The following SYTL2 variants were observed in gnomAD, a reference collection of about 807,000 sequenced individuals.
The protein encoded by SYTL2 is synaptotagmin like 2.
SYTL2 carries 165 observed loss-of-function variants against 198.7 expected under a neutral mutation model. That is an observed-to-expected ratio of 0.83 (90% CI 0.73 to 0.94). The LOEUF is 0.94. SYTL2 is among the 40% of genes least tolerant of loss of function. SYTL2 has a pLI of 0.00. For synonymous variants in SYTL2, 966 were observed against 917.7 expected (o/e 1.05, Z -0.95); for missense variants, 2,835 against 2,582.8 (o/e 1.10, Z -2.12).
Position 85,720,944 on chromosome 11 carries a change from G to C in SYTL2, c.5342C>G (p.Pro1781Arg). 6.2e-7 allele frequency: 1 copy of C among 1,612,312 alleles called. No individual in the cohort carries two copies. The highest frequency in any genetic ancestry group is 1.6e-4 in the Middle Eastern group (1 of 6,062). The change falls in exon 9 of 20, where the codon CCC becomes CGC. Residue 1781 changes from proline to arginine, a missense_variant. This residue lies in a region of SYTL2 where 2,645 missense variants were observed against 2,381.7 expected (regional missense o/e 1.11). Transcript: ENST00000359152. Reference sequence around the variant, plus strand: ...TTCCAAAGTTTTCAAAACAGGACTGGGTTCTTCTTCTGAACCTGTTATAAA... The same window carrying C: ...TTCCAAAGTTTTCAAAACAGGACTGCGTTCTTCTTCTGAACCTGTTATAAA... ...WRNPSSSEEE[P>R]SPVLKTLERS...
the SYTL2 span, among the ~76,000 whole-genome samples, chr11:85,839,217 T>C: frequency 6.6e-6 from 1 of 152,336 alleles, no homozygotes; most frequent in African/African-American, 2.4e-5. Context: ...TTTTCAAATG[T>C]ACAATTAAGT....
chr11:85,852,061 T>A, the SYTL2 span, among the ~76,000 whole-genome samples: 1 of 152,230 alleles, frequency 6.6e-6, no homozygotes, highest in Non-Finnish European at 1.5e-5. Flanking sequence ...TTGTATATTT[T>A]ACTGATGAGA....
chr11:85,698,194 A>G (rs1425980278), intron 17 of SYTL2, 116 bp from the exon 18 acceptor site: 8 of 682,570 alleles, frequency 1.2e-5, no homozygotes, highest in Middle Eastern at 2.4e-4. Context: ...GTATTTGATG[A>G]TATCATCTGA....
rs2092532525 is a variant in SYTL2 at position 85,780,105 on chromosome 11, G to C, written c.-389-21991C>G. 4.6e-5 allele frequency among the ~76,000 whole-genome samples: 7 copies of C among 152,334 alleles called. No individual in the cohort carries two copies. The South Asian group carries it at 1.4e-3, about 32-fold the overall frequency. On this transcript the variant is annotated intron_variant, in intron 1 of 19. Coordinates refer to ENST00000359152, the MANE Select transcript of SYTL2 (RefSeq NM_206927.4). ...GACAATTCAGGCCACAGCAGAATTT[G>C]TCTACAATGAACTATGGCCCTATAC...
In SYTL2 at chr11:85,745,621, A is replaced by G; in HGVS notation, c.389+16T>C. The G allele has an allele frequency of 6.2e-7, 1 of 1,609,258 alleles. No individual in the cohort carries two copies. The highest frequency in any genetic ancestry group is 1.1e-5 in the South Asian group (1 of 90,742). ...AAAGCCACATGCAGCAGCTCTCCCCAGAAGCTTTGCCTTACCTCGGGCTTG... is the reference window on the plus strand; with the variant it reads ...AAAGCCACATGCAGCAGCTCTCCCCGGAAGCTTTGCCTTACCTCGGGCTTG... On this transcript the variant is annotated intron_variant, in intron 4 of 19. Transcript: ENST00000359152.
At chr11:85,777,812 C>T (rs1291975739) in intron 1 of SYTL2, among the ~76,000 whole-genome samples, 51 of 63,330 alleles carry the variant, frequency 8.1e-4, no homozygotes, top group South Asian at 2.3e-3. Context: ...GGTCTTACTT[C>T]TTTTTTTTTT....
intron 1 of SYTL2, among the ~76,000 whole-genome samples, chr11:85,789,374 A>G (rs955708944): frequency 0.011 from 487 of 44,068 alleles, 3 homozygotes; most frequent in South Asian, 0.021. Flanking sequence ...ATATATATAT[A>G]TATGTATATA....
At chr11:85,761,179 T>C (rs1217697637) in intron 1 of SYTL2, among the ~76,000 whole-genome samples, 2 of 152,182 alleles carry the variant, frequency 1.3e-5, no homozygotes, top group Non-Finnish European at 2.9e-5. Flanking sequence ...AAATAAGTTT[T>C]TGAATACCAA....
At chr11:85,822,362 A>G in the SYTL2 span, among the ~76,000 whole-genome samples, 2 of 152,172 alleles carry the variant, frequency 1.3e-5, no homozygotes, top group Non-Finnish European at 2.9e-5. Flanking sequence ...TCAAGCATCT[A>G]TAAGACTGGA....
the SYTL2 span, among the ~76,000 whole-genome samples, chr11:85,850,450 GA>G: frequency 6.6e-6 from 1 of 151,794 alleles, no homozygotes; most frequent in Non-Finnish European, 1.5e-5. Flanking sequence ...GGCCATCAGA[GA>G]AATGCAAATC....
At chr11:85,777,275 C>T (rs1401882706) in intron 1 of SYTL2, among the ~76,000 whole-genome samples, 2 of 152,154 alleles carry the variant, frequency 1.3e-5, no homozygotes, top group Non-Finnish European at 2.9e-5. Flanking sequence ...AGAGGGCTAA[C>T]ATGGGGTTAA....
chr11:85,697,950 G>T, intron 18 of SYTL2, 29 bp downstream of exon 18: 1 of 1,455,218 alleles, frequency 6.9e-7, no homozygotes, highest in Non-Finnish European at 9.7e-7. Flanking sequence ...CTACAGAACT[G>T]TTGCAGACAG....
intron 15 of SYTL2, 197 bp from the exon 16 acceptor site, chr11:85,705,225 G>T: frequency 4.4e-6 from 2 of 458,450 alleles, no homozygotes; most frequent in African/African-American, 3.9e-5. Context: ...CATAAAAGCT[G>T]ATTTGCTTCC....
At chr11:85,797,626 C>CAA (rs563235406) in intron 1 of SYTL2, among the ~76,000 whole-genome samples, 5 of 87,400 alleles carry the variant, frequency 5.7e-5, no homozygotes, top group East Asian at 6.4e-4. Context: ...GACTCCTTCT[C>CAA]AAAAAAAAAA....
rs2088781033 is a variant in SYTL2 at position 85,724,186 on chromosome 11, G to GAGA, written c.5171_5172insTCT (p.Asn1724_Lys1725insLeu). On this transcript the variant is annotated inframe_insertion, in exon 8 of 20. Transcript: ENST00000359152. The stretch of plus-strand genomic sequence containing the variant: ...TACTTGTTTTTGTAGAGTTTTCTTT[G>GAGA]TTCATCAGGAGAGGAATGGGTTGCC... 1 of 1,602,608 alleles carries GAGA rather than the reference G, an allele frequency of 6.2e-7. No individual in the cohort carries two copies. Among genetic ancestry groups the GAGA allele is most frequent in the African/African-American group, 1.4e-5 (1 of 73,936 alleles).
intron 1 of SYTL2, among the ~76,000 whole-genome samples, chr11:85,805,557 GC>G: frequency 6.6e-6 from 1 of 152,266 alleles, no homozygotes; most frequent in East Asian, 1.9e-4. Flanking sequence ...CAGCCTCAAA[GC>G]CCTGTGTTTT....
At chr11:85,795,930 C>A (rs1158874365) in intron 1 of SYTL2, among the ~76,000 whole-genome samples, 2 of 152,180 alleles carry the variant, frequency 1.3e-5, no homozygotes, top group Non-Finnish European at 2.9e-5. Context: ...ACAGAGCATA[C>A]ACATAAGCCA....
In SYTL2 at chr11:85,725,536, A is replaced by T. The variant is rs1177415277; in HGVS notation, c.3822T>A (p.Asp1274Glu). 6.2e-7 allele frequency: 1 copy of T among 1,613,946 alleles called. No homozygotes were observed. The highest frequency in any genetic ancestry group is 8.5e-7 in the Non-Finnish European group (1 of 1,179,990). ...GGAGAGCTGTATTTCCAAAAGTTTC[A>T]TCTCTCACTGGAAAAGGAGCTAGTA... Reference protein sequence around the residue: ...REILAPFPVRDETFGNTALLK... With the variant: ...REILAPFPVREETFGNTALLK... Residue 1274 changes from aspartate (D) to glutamate (E), a missense_variant, in exon 8 of 20, where the codon GAT (aspartate) becomes GAA (glutamate). By Grantham distance (45) the Asp-to-Glu change is conservative (BLOSUM62 2). Transcript: ENST00000359152.
chr11:85,746,187 A>G (rs1355935541), intron 3 of SYTL2, among the ~76,000 whole-genome samples: 1 of 152,128 alleles, frequency 6.6e-6, no homozygotes, highest in Non-Finnish European at 1.5e-5. Flanking sequence ...AATGTGTTCA[A>G]ATATCTTGTA....
Sources: gnomAD v4.1 joint callset for allele counts (sites outside exome capture counted in the v4.1 genomes callset) on GRCh38, gnomAD v4.1.1 for gene constraint, gnomAD v4.1.1 regional missense constraint, MANE v1.5 for transcripts, NCBI Gene and HGNC (gene_info 2026-07-23, HGNC 2026-07-21) for gene names.